The following ADCY1 variants were observed in gnomAD, a reference collection of about 807,000 sequenced individuals.
ADCY1 encodes adenylate cyclase 1, also known as adenylate cyclase type 1.
A neutral mutation model predicts 105.4 loss-of-function variants in ADCY1; 28 were observed. The observed-to-expected ratio is 0.27, with a 90% CI of 0.20 to 0.36. The LOEUF is 0.36. Among genes scored for constraint, ADCY1 ranks in the 10% least tolerant of loss-of-function variants. The pLI, the probability that ADCY1 is intolerant of heterozygous loss-of-function variation, is 1.00. For synonymous variants in ADCY1, 655 were observed against 623.8 expected (o/e 1.05, Z -0.75); for missense variants, 977 against 1,434.2 (o/e 0.68, Z 5.15).
At chr7:45,666,526 A>G (rs1306169060) in intron 8 of ADCY1, among the ~76,000 whole-genome samples, 1 of 152,184 alleles carries the variant, frequency 6.6e-6, no homozygotes, top group Non-Finnish European at 1.5e-5. Context: ...ACAGTCTGTC[A>G]TTGTTGGACA....
Position 45,698,164 on chromosome 7 carries a change from TAC to T in ADCY1, c.2455-5188_2455-5187del, listed in dbSNP as rs72397514. ...GCACACACAAACACACATACTCTCT[TAC>T]ACACACACACACACACACACACATA... On this transcript the variant is annotated intron_variant, in intron 14 of 19. Coordinates refer to ENST00000297323, the MANE Select transcript of ADCY1 (RefSeq NM_021116.4). 7.7e-3 allele frequency among the ~76,000 whole-genome samples: 1,130 copies of T among 147,030 alleles called. 19 individuals are homozygous for T. The highest frequency in any genetic ancestry group is 0.022 in the African/African-American group (886 of 40,186).
At chr7:45,636,474 T>C (rs759783748) in intron 4 of ADCY1, among the ~76,000 whole-genome samples, 3 of 152,226 alleles carry the variant, frequency 2.0e-5, no homozygotes, top group Non-Finnish European at 4.4e-5. Context: ...GTTGGATCCA[T>C]GGATGCAGAA....
intron 14 of ADCY1, among the ~76,000 whole-genome samples, chr7:45,699,895 C>T (rs1382958252): frequency 6.6e-6 from 1 of 152,142 alleles, no homozygotes; most frequent in East Asian, 1.9e-4. Context: ...CAGTGGACAC[C>T]GGAGCTTCCT....
At position 45,622,754 on chromosome 7, in the gene ADCY1, C is replaced by A. The variant is rs188916223; in HGVS notation, c.1020+11C>A. Reference sequence around the variant, plus strand: ...GATGAATTAGCCACGGTAAGTGCAGCGTTTTTCTTTGTTCGAATTAAATTA... The same window carrying A: ...GATGAATTAGCCACGGTAAGTGCAGAGTTTTTCTTTGTTCGAATTAAATTA... On this transcript the variant is annotated intron_variant, in intron 4 of 19. Transcript: ENST00000297323. 6.2e-7 allele frequency: 1 copy of A among 1,604,298 alleles called. No individual in the cohort carries two copies. The highest frequency in any genetic ancestry group is 8.5e-7 in the Non-Finnish European group (1 of 1,173,028).
At chr7:45,608,868 C>A (rs376174391) in intron 2 of ADCY1, among the ~76,000 whole-genome samples, 93 of 152,220 alleles carry the variant, frequency 6.1e-4, no homozygotes, top group African/African-American at 2.2e-3. Flanking sequence ...GGGGTGGGTT[C>A]TCAGTGTAGA....
chr7:45,608,457 C>T (rs1793440173), intron 2 of ADCY1, among the ~76,000 whole-genome samples: 1 of 152,186 alleles, frequency 6.6e-6, no homozygotes, highest in Admixed American at 6.5e-5. Context: ...AAGGGTCTCT[C>T]TTGTCAGGCC....
chr7:45,592,746 T>A lies in ADCY1; in HGVS notation c.640-13T>A. On this transcript the variant is annotated splice_polypyrimidine_tract_variant and intron_variant, in intron 1 of 19. Transcript: ENST00000297323. ...TGTCAGGCTCCACATGTTGCCTCCT[T>A]CTCTCCCTGCAGCTCGGTGCCAATG... The A allele has an allele frequency of 6.2e-7, 1 of 1,613,684 alleles. No homozygotes were observed. Among genetic ancestry groups the A allele is most frequent in the Non-Finnish European group, 8.5e-7 (1 of 1,179,846 alleles).
At chr7:45,654,709 C>A (rs1794894130) in intron 5 of ADCY1, among the ~76,000 whole-genome samples, 1 of 152,228 alleles carries the variant, frequency 6.6e-6, no homozygotes, top group African/African-American at 2.4e-5. Flanking sequence ...CCTGTTGATA[C>A]ATTTAGGGAT....
Position 45,703,547 on chromosome 7 carries a change from C to A in ADCY1, c.2572-53C>A. ...CTAGCCCTACACTGCTCTGGCCACC[C>A]CACTTGGCGCTCACCTGGCTGACCC... On this transcript the variant is annotated intron_variant, in intron 15 of 19. Transcript: ENST00000297323. This position sits in a 1 kb window ranked among gnomAD's most constrained non-coding sequence, Gnocchi z 5.9. 2 of 1,612,560 alleles carry A rather than the reference C, an allele frequency of 1.2e-6. No homozygotes were observed. Among genetic ancestry groups the A allele is most frequent in the East Asian group, 2.2e-5 (1 of 44,802 alleles).
intron 19 of ADCY1, among the ~76,000 whole-genome samples, chr7:45,711,947 A>AT (rs1562736016): frequency 1.0e-5 from 1 of 97,414 alleles, no homozygotes; most frequent in African/African-American, 3.6e-5. Flanking sequence ...ATATAAATAC[A>AT]TATTATATTA....
chr7:45,607,864 TTC>T (rs1331833463), intron 2 of ADCY1, among the ~76,000 whole-genome samples: 1 of 152,234 alleles, frequency 6.6e-6, no homozygotes, highest in Non-Finnish European at 1.5e-5. Context: ...CTGTGTTGAT[TTC>T]ATGTCTTTTA....
At position 45,678,035 on chromosome 7, in the gene ADCY1, A is replaced by C; in HGVS notation, c.1772A>C (p.Lys591Thr). The C allele has an allele frequency of 6.2e-7, 1 of 1,614,130 alleles. No individual in the cohort carries two copies. The highest frequency in any genetic ancestry group is 8.5e-7 in the Non-Finnish European group (1 of 1,180,028). ...GCAGACCTGAACTTCTTTACCCTGA[A>C]GTACAAACATGTCGAACGGGAGCAA... is the stretch of plus-strand genomic sequence containing the variant. Reference protein sequence around the residue: ...EMADLNFFTLKYKHVEREQKY... With the variant: ...EMADLNFFTLTYKHVEREQKY... The change falls in exon 9 of 20, where the codon AAG becomes ACG. Residue 591 changes from lysine (K) to threonine (T), a missense_variant. By Grantham distance (78) the Lys-to-Thr change is moderately conservative. Coordinates refer to ENST00000297323, the MANE Select transcript of ADCY1 (RefSeq NM_021116.4).
In ADCY1 at chr7:45,574,843, C is replaced by T. The variant is rs761931194; in HGVS notation, c.300C>T (p.Val100=). 5.0e-6 allele frequency: 8 copies of T among 1,610,930 alleles called. No homozygotes were observed. The highest frequency in any genetic ancestry group is 1.1e-5 in the South Asian group (1 of 91,052). The stretch of plus-strand genomic sequence containing the variant: ...AGGGCTCACACCCGGTGCACTGCGT[C>T]CTCTTCCTGGCGCTGCTCGTGGTAA... ...LAKGSHPVHC[V]LFLALLVVTN... is the part of the protein sequence containing the mutation. The change falls in exon 1 of 20, where the codon GTC becomes GTT. Residue 100 remains valine, a synonymous_variant. Coordinates refer to ENST00000297323, the MANE Select transcript of ADCY1 (RefSeq NM_021116.4). This position sits in a 1 kb window ranked among gnomAD's most constrained non-coding sequence, Gnocchi z 7.0.
chr7:45,623,434 A>G (rs975979575), intron 4 of ADCY1, among the ~76,000 whole-genome samples: 4 of 152,218 alleles, frequency 2.6e-5, no homozygotes, highest in African/African-American at 7.2e-5. Flanking sequence ...ATTGGCCACA[A>G]GGCTCCTGAG....
chr7:45,711,001 T>A (rs1182247712), intron 19 of ADCY1, among the ~76,000 whole-genome samples: 1 of 152,118 alleles, frequency 6.6e-6, no homozygotes, highest in Non-Finnish European at 1.5e-5. Flanking sequence ...AAGGAAGGGC[T>A]TTCTTGTGTG....
intron 4 of ADCY1, among the ~76,000 whole-genome samples, chr7:45,625,910 A>G (rs1448340453): frequency 1.3e-5 from 2 of 152,198 alleles, no homozygotes; most frequent in African/African-American, 4.8e-5. Flanking sequence ...CTGCTGAAGC[A>G]CAAAGCCCTG....
At chr7:45,645,232 C>T (rs764366620) in intron 4 of ADCY1, among the ~76,000 whole-genome samples, 4 of 152,114 alleles carry the variant, frequency 2.6e-5, no homozygotes, top group Admixed American at 6.5e-5. Context: ...ACTCACAGCT[C>T]GCCCACACCA....
chr7:45,630,254 T>G (rs1007913241), intron 4 of ADCY1, among the ~76,000 whole-genome samples: 5 of 152,206 alleles, frequency 3.3e-5, no homozygotes, highest in Admixed American at 2.6e-4. Flanking sequence ...AGCAGAAAGT[T>G]TTAGTGTTTA....
intron 16 of ADCY1, 145 bp from the exon 17 acceptor site, chr7:45,704,373 T>C: frequency 1.5e-6 from 1 of 666,716 alleles, no homozygotes; most frequent in Middle Eastern, 3.2e-4. Context: ...AGTGTAGTCC[T>C]AGAACTTGTC....
Sources: gnomAD v4.1 joint callset for allele counts (sites outside exome capture counted in the v4.1 genomes callset) on GRCh38, gnomAD v4.1.1 for gene constraint, Gnocchi (gnomAD v3.1) non-coding constraint, MANE v1.5 for transcripts, NCBI Gene and HGNC (gene_info 2026-07-23, HGNC 2026-07-21) for gene names.